CEP131: variants seen among roughly 807,000 people sequenced by gnomAD.
CEP131 encodes centrosomal protein of 131 kDa.
In CEP131, 99 loss-of-function variants were observed where a neutral mutation model predicts 136.8. That is an observed-to-expected ratio of 0.72 (90% CI 0.62 to 0.86). The LOEUF (loss-of-function observed/expected upper bound fraction) is 0.86. Among genes scored for constraint, CEP131 ranks in the 40% least tolerant of loss-of-function variants. CEP131 has a pLI of 0.00. For missense variants in CEP131, 1,459 were observed against 1,463.0 expected, an observed-to-expected ratio of 1.00 and a Z score of 0.04; for synonymous variants, 646 against 612.7, an observed-to-expected ratio of 1.05 and a Z score of -0.80.
intron 24 of CEP131, 121 bp from the exon 25 acceptor site, chr17:81,190,096 C>T (rs902368716): frequency 5.2e-5 from 46 of 892,940 alleles, no homozygotes; most frequent in African/African-American, 1.0e-4. Context: ...CTGCTGACCA[C>T]GACTCCTGTG....
chr17:81,202,668 G>A (rs1315196405), intron 6 of CEP131, among the ~76,000 whole-genome samples: 1 of 152,146 alleles, frequency 6.6e-6, no homozygotes, highest in African/African-American at 2.4e-5. Context: ...TCTCACTAAA[G>A]TTACATTGAG....
Position 81,199,788 on chromosome 17 carries a change from C to T in CEP131, c.954G>A (p.Gln318=). Reference sequence around the variant, plus strand: ...CCTTCCTCCTGGCTGCCTCTTTCTGCTGGTGCAGGTCCAAGAGGGTCCCCT... The same window carrying T: ...CCTTCCTCCTGGCTGCCTCTTTCTGTTGGTGCAGGTCCAAGAGGGTCCCCT... ...SGEGTLLDLH[Q]QKEAARRKAR... The change falls in exon 9 of 26, where the codon CAG becomes CAA. Residue 318 remains glutamine (Q), a synonymous_variant. Coordinates refer to ENST00000450824, the MANE Select transcript of CEP131 (RefSeq NM_014984.4). 6.2e-7 allele frequency: 1 copy of T among 1,611,732 alleles called. No homozygotes were observed. The highest frequency in any genetic ancestry group is 8.5e-7 in the Non-Finnish European group (1 of 1,179,994).
intron 8 of CEP131, 104 bp downstream of exon 8, chr17:81,200,225 G>A: frequency 2.2e-6 from 2 of 895,398 alleles, no homozygotes; most frequent in South Asian, 1.7e-5. Flanking sequence ...GGGCCCACGA[G>A]CAATCCTAGG....
rs1241510804 is a variant in CEP131 at position 81,197,046 on chromosome 17, G to A, written c.1657C>T (p.Pro553Ser). ...QLDSQQEGWV[P>S]EAGPGPLELG... ...TCCAGGGGCCCCGGCCCCGCCTCCG[G>A]CACCCACCCCTGCAGACACAGCCGA... is the stretch of plus-strand genomic sequence containing the variant. The change falls in exon 14 of 26, where the codon CCG becomes TCG. Residue 553 changes from proline (P) to serine (S), a missense_variant. Coordinates refer to ENST00000450824, the MANE Select transcript of CEP131 (RefSeq NM_014984.4). The A allele has an allele frequency of 8.2e-6, 13 of 1,587,088 alleles. No homozygotes were observed. Among genetic ancestry groups the A allele is most frequent in the Non-Finnish European group, 1.0e-5 (12 of 1,167,134 alleles).
At chr17:81,198,381 C>T in intron 11 of CEP131, 84 bp from the exon 12 acceptor site, 1 of 1,399,828 alleles carries the variant, frequency 7.1e-7, no homozygotes, top group Non-Finnish European at 9.6e-7. Context: ...CGCAGAGCCC[C>T]AAAGGCGCCG....
chr17:81,192,303 T>A lies in CEP131; in HGVS notation c.2622+15A>T. ...AGCCCCCAACCCCTGCCCACCTGGG[T>A]GCCCAGGCCCCCACCTCCTTCCTGG... On this transcript the variant is annotated intron_variant, in intron 21 of 25. Coordinates refer to ENST00000450824, the MANE Select transcript of CEP131 (RefSeq NM_014984.4). The A allele has an allele frequency of 6.5e-7, 1 of 1,548,126 alleles. No homozygotes were observed. The highest frequency in any genetic ancestry group is 8.7e-7 in the Non-Finnish European group (1 of 1,146,986).
At chr17:81,220,137 C>A in intron 1 of CEP131, 64 bp from the exon 2 acceptor site, 1 of 1,307,722 alleles carries the variant, frequency 7.6e-7, no homozygotes, top group Non-Finnish European at 9.8e-7. Flanking sequence ...CTGCACCCAC[C>A]ATCTCCAGCC....
intron 2 of CEP131, among the ~76,000 whole-genome samples, chr17:81,216,341 A>C (rs1395846805): frequency 2.0e-5 from 3 of 152,096 alleles, no homozygotes; most frequent in Non-Finnish European, 4.4e-5. Context: ...CCTGGGCAAA[A>C]AGAGCAAAAG....
rs7225364 is a variant in CEP131 at position 81,198,005 on chromosome 17, C to A, written c.1470+110G>T. On this transcript the variant is annotated intron_variant, in intron 12 of 25. Transcript: ENST00000450824. Reference sequence around the variant, plus strand: ...TGGGAGGGAGGGTTGTGACTAAAGCCAGGAGGAGCCTGTGGCATCCCCATT... The same window carrying A: ...TGGGAGGGAGGGTTGTGACTAAAGCAAGGAGGAGCCTGTGGCATCCCCATT... 322,539 of 1,491,426 alleles carry A rather than the reference C, an allele frequency of 0.22. 36,868 individuals carry two copies. The highest frequency in any genetic ancestry group is 0.41 in the East Asian group (17,031 of 41,728). 92.4% of individuals were successfully genotyped at this position (1,491,426 alleles called of 1,614,324 possible).
At chr17:81,212,160 T>A (rs532237159) in intron 2 of CEP131, among the ~76,000 whole-genome samples, 1 of 147,378 alleles carries the variant, frequency 6.8e-6, no homozygotes, top group Non-Finnish European at 1.5e-5. Flanking sequence ...ACTAAAAAGA[T>A]ATATATATAT....
chr17:81,200,162 C>A, intron 8 of CEP131, 167 bp downstream of exon 8: 1 of 642,330 alleles, frequency 1.6e-6, no homozygotes, highest in South Asian at 2.0e-5. Flanking sequence ...GTGAGGACCA[C>A]CCTGACTGTC....
At chr17:81,201,866 C>T (rs934806338) in intron 7 of CEP131, among the ~76,000 whole-genome samples, 2 of 152,154 alleles carry the variant, frequency 1.3e-5, no homozygotes, top group Non-Finnish European at 2.9e-5. Flanking sequence ...CTTTGGGAGG[C>T]GGAGGCGGGC....
chr17:81,201,714 C>G (rs1388845973), intron 7 of CEP131, among the ~76,000 whole-genome samples: 1 of 152,166 alleles, frequency 6.6e-6, no homozygotes, highest in Non-Finnish European at 1.5e-5. Context: ...CTCTGCCACC[C>G]CTACACCAGC....
At position 81,203,280 on chromosome 17, in the gene CEP131, C is replaced by T. The variant is rs1055577341; in HGVS notation, c.629+214G>A. 3.3e-5 allele frequency among the ~76,000 whole-genome samples: 5 copies of T among 152,310 alleles called. No individual in the cohort carries two copies. Among genetic ancestry groups the T allele is most frequent in the East Asian group, 1.9e-4 (1 of 5,170 alleles). On this transcript the variant is annotated intron_variant, in intron 6 of 25. Coordinates refer to ENST00000450824, the MANE Select transcript of CEP131 (RefSeq NM_014984.4). This position sits in a 1 kb window ranked among gnomAD's most constrained non-coding sequence, Gnocchi z 4.6. ...GGGCGGCGGACGTGGATGGGGAGCCCGGTTCACAGCTGCTCCACGCGGTTT... is the reference window on the plus strand; with the variant it reads ...GGGCGGCGGACGTGGATGGGGAGCCTGGTTCACAGCTGCTCCACGCGGTTT...
intron 1 of CEP131, among the ~76,000 whole-genome samples, chr17:81,221,259 G>C (rs1258270672): frequency 1.3e-5 from 2 of 151,972 alleles, no homozygotes; most frequent in Non-Finnish European, 1.5e-5. Context: ...CGGGGGTTCT[G>C]ACGATCGATC....
rs1243348076 is a variant in CEP131 at position 81,215,032 on chromosome 17, C to T, written c.177+4848G>A. ...GGCCTCGTGATCTGCTTGCCTCAAC[C>T]TCCCAAAGTGCTGGGATTACAGGCA... On this transcript the variant is annotated intron_variant, in intron 2 of 25. Coordinates refer to ENST00000450824, the MANE Select transcript of CEP131 (RefSeq NM_014984.4). This position sits in a 1 kb window ranked among gnomAD's most constrained non-coding sequence, Gnocchi z 4.1. Among the ~76,000 whole-genome samples the T allele has an allele frequency of 6.6e-6, 1 of 152,018 alleles. No homozygotes were observed. Among genetic ancestry groups the T allele is most frequent in the African/African-American group, 2.4e-5 (1 of 41,364 alleles).
chr17:81,206,657 G>A (rs895753397), intron 5 of CEP131, 87 bp downstream of exon 5: 73 of 1,483,156 alleles, frequency 4.9e-5, no homozygotes, highest in Non-Finnish European at 5.6e-5. Context: ...CACCCTGAAC[G>A]AGCCATAAAC....
At chr17:81,220,206 G>A in intron 1 of CEP131, 133 bp from the exon 2 acceptor site, 4 of 606,920 alleles carry the variant, frequency 6.6e-6, no homozygotes, top group Non-Finnish European at 7.4e-6. Context: ...CACAACCTAT[G>A]CACCCCTCTG....
Position 81,190,745 on chromosome 17 carries a change from A to C in CEP131, c.3001T>G (p.Phe1001Val). The C allele has an allele frequency of 6.2e-7, 1 of 1,611,796 alleles. No homozygotes were observed. The highest frequency in any genetic ancestry group is 8.5e-7 in the Non-Finnish European group (1 of 1,179,566). ...SNLAQVIRQE[F>V]EDRLAASEEE... is the part of the protein sequence containing the mutation. ...TCAGAGGCTGCCAGCCGGTCCTCGA[A>C]CTCCTGGCGGATCACCTGGGCCAGG... The change falls in exon 24 of 26, where the codon TTC becomes GTC. Residue 1001 changes from phenylalanine to valine, a missense_variant. By Grantham distance (50) the Phe-to-Val change is conservative (BLOSUM62 -1). This residue lies in a region of CEP131 where 1,026 missense variants were observed against 964.2 expected (regional missense o/e 1.06). Transcript: ENST00000450824.
Sources: allele counts gnomAD v4.1 joint callset (sites outside exome capture counted in the v4.1 genomes callset), GRCh38; gene constraint gnomAD v4.1.1; regional missense constraint gnomAD v4.1.1; non-coding constraint Gnocchi (gnomAD v3.1); transcripts MANE v1.5; gene names NCBI Gene and HGNC (gene_info 2026-07-23, HGNC 2026-07-21).